The following LHFPL6 variants were observed in gnomAD, a reference collection of about 807,000 sequenced individuals.
LHFPL6 encodes LHFPL tetraspan subfamily member 6, also known as LHFPL tetraspan subfamily member 6 protein.
LHFPL6 carries 9 observed loss-of-function variants against 20.6 expected under a neutral mutation model. The observed-to-expected ratio is 0.44, with a 90% CI of 0.26 to 0.76. The LOEUF (loss-of-function observed/expected upper bound fraction) is 0.76. LHFPL6 is among the 30% of genes least tolerant of loss of function. LHFPL6 has a pLI of 0.20. For synonymous variants in LHFPL6, 105 were observed against 98.7 expected, an observed-to-expected ratio of 1.06 and a Z score of -0.38; for missense variants, 218 against 253.5, an observed-to-expected ratio of 0.86 and a Z score of 0.95.
chr13:39,500,286 C>A (rs1869248438), intron 2 of LHFPL6, among the ~76,000 whole-genome samples: 1 of 152,122 alleles, frequency 6.6e-6, no homozygotes, highest in African/African-American at 2.4e-5. Flanking sequence ...CTCACTGCAG[C>A]CTCGACCTCC....
At chr13:39,542,064 C>T (rs1870820558) in intron 2 of LHFPL6, among the ~76,000 whole-genome samples, 1 of 148,458 alleles carries the variant, frequency 6.7e-6, no homozygotes, top group Non-Finnish European at 1.5e-5. Flanking sequence ...GCACTCCAGC[C>T]TGGGCAACAG....
intron 2 of LHFPL6, among the ~76,000 whole-genome samples, chr13:39,560,389 T>C (rs1593363211): frequency 2.0e-5 from 3 of 151,798 alleles, no homozygotes; most frequent in Non-Finnish European, 4.4e-5. Context: ...TCTGTTTGTC[T>C]CCCAAGCCTG....
intron 2 of LHFPL6, among the ~76,000 whole-genome samples, chr13:39,442,616 GTCTATC>G (rs1245285547): frequency 6.6e-6 from 1 of 152,194 alleles, no homozygotes; most frequent in African/African-American, 2.4e-5. Flanking sequence ...AGCTCTAAGT[GTCTATC>G]TTTCTTGATC....
At chr13:39,546,102 G>A (rs1170837424) in intron 2 of LHFPL6, among the ~76,000 whole-genome samples, 1 of 152,056 alleles carries the variant, frequency 6.6e-6, no homozygotes, top group African/African-American at 2.4e-5. Flanking sequence ...ATTGCATATT[G>A]TAAAATGATT....
At chr13:39,386,709 G>A (rs1159194253) in intron 2 of LHFPL6, among the ~76,000 whole-genome samples, 2 of 152,224 alleles carry the variant, frequency 1.3e-5, no homozygotes, top group Non-Finnish European at 2.9e-5. Flanking sequence ...TGAAACATAT[G>A]TCAACACAGA....
intron 3 of LHFPL6, among the ~76,000 whole-genome samples, chr13:39,366,462 CG>C (rs1445871069): frequency 9.2e-5 from 14 of 152,096 alleles, no homozygotes; most frequent in Non-Finnish European, 1.9e-4. Context: ...GTATCCAGTC[CG>C]GAATATGCAC....
intron 2 of LHFPL6, among the ~76,000 whole-genome samples, chr13:39,391,314 G>A (rs1870703074): frequency 6.6e-6 from 1 of 152,162 alleles, no homozygotes; most frequent in South Asian, 2.1e-4. Context: ...CTGCCACGTT[G>A]TATGGTAATG....
At chr13:39,598,046 A>G (rs1872820711) in intron 2 of LHFPL6, among the ~76,000 whole-genome samples, 1 of 152,182 alleles carries the variant, frequency 6.6e-6, no homozygotes. Context: ...TGGGCATATC[A>G]TTTTTAGCAG....
At chr13:39,447,700 T>C (rs1376716858) in intron 2 of LHFPL6, among the ~76,000 whole-genome samples, 1 of 152,090 alleles carries the variant, frequency 6.6e-6, no homozygotes, top group Non-Finnish European at 1.5e-5. Context: ...CCAAGGTCAC[T>C]CAACGGTTGA....
At chr13:39,519,849 A>G (rs1423274663) in intron 2 of LHFPL6, among the ~76,000 whole-genome samples, 1 of 133,946 alleles carries the variant, frequency 7.5e-6, no homozygotes. Flanking sequence ...CAAGGGGGGA[A>G]AAAAATAATG....
chr13:39,400,458 A>G (rs563808611), intron 2 of LHFPL6, among the ~76,000 whole-genome samples: 1 of 152,266 alleles, frequency 6.6e-6, no homozygotes, highest in African/African-American at 2.4e-5. Flanking sequence ...GCTGTGTTAG[A>G]CAGAATGGTT....
At chr13:39,416,166 G>A (rs902619494) in intron 2 of LHFPL6, among the ~76,000 whole-genome samples, 2 of 152,152 alleles carry the variant, frequency 1.3e-5, no homozygotes, top group African/African-American at 4.8e-5. Context: ...AGAGTAGTAA[G>A]ACTATGTGGG....
chr13:39,529,970 T>G (rs1429547579), intron 2 of LHFPL6, among the ~76,000 whole-genome samples: 1 of 152,214 alleles, frequency 6.6e-6, no homozygotes, highest in Non-Finnish European at 1.5e-5. Flanking sequence ...GTTCATCCAA[T>G]GATTAATTTA....
At chr13:39,415,087 C>G (rs778137340) in intron 2 of LHFPL6, among the ~76,000 whole-genome samples, 33 of 152,160 alleles carry the variant, frequency 2.2e-4, no homozygotes, top group Non-Finnish European at 3.8e-4. Flanking sequence ...AAACACATTC[C>G]TCAGACCCCA....
At chr13:39,388,300 C>A (rs1870619453) in intron 2 of LHFPL6, among the ~76,000 whole-genome samples, 1 of 152,248 alleles carries the variant, frequency 6.6e-6, no homozygotes, top group South Asian at 2.1e-4. Context: ...ATGTACAATG[C>A]GTTATGCACC....
chr13:39,396,447 G>A (rs1870844021), intron 2 of LHFPL6, among the ~76,000 whole-genome samples: 1 of 152,192 alleles, frequency 6.6e-6, no homozygotes, highest in Admixed American at 6.5e-5. Context: ...TAGGTAAGAT[G>A]AGATCATACT....
chr13:39,442,720 C>G (rs973220686), intron 2 of LHFPL6, among the ~76,000 whole-genome samples: 2 of 152,126 alleles, frequency 1.3e-5, no homozygotes, highest in East Asian at 1.9e-4. Flanking sequence ...CTTTCTTGCA[C>G]TGTGAATTTT....
At chr13:39,563,464 A>G (rs546684257) in intron 2 of LHFPL6, among the ~76,000 whole-genome samples, 1 of 152,324 alleles carries the variant, frequency 6.6e-6, no homozygotes, top group African/African-American at 2.4e-5. Flanking sequence ...TGGTGGGTTG[A>G]TAAGTGACTT....
intron 2 of LHFPL6, among the ~76,000 whole-genome samples, chr13:39,519,609 T>G (rs1870042212): frequency 6.6e-6 from 1 of 152,222 alleles, no homozygotes; most frequent in Non-Finnish European, 1.5e-5. Flanking sequence ...ATAGATTTTT[T>G]TCTTTTTCTT....
Sources: gnomAD v4.1 joint callset for allele counts (sites outside exome capture counted in the v4.1 genomes callset) on GRCh38, gnomAD v4.1.1 for gene constraint, MANE v1.5 for transcripts, NCBI Gene and HGNC (gene_info 2026-07-23, HGNC 2026-07-21) for gene names.